Variants in UTS2B observed in about 807,000 individuals in gnomAD.
UTS2B encodes the protein urotensin 2B.
Under a neutral mutation model 19.2 loss-of-function variants are expected in UTS2B, and 21 were observed. The ratio of observed to expected loss-of-function variants is 1.09; its 90% CI spans 0.78 to 1.58. The LOEUF is 1.58. UTS2B is among the 40% of genes most tolerant of loss of function. The probability of loss-of-function intolerance (pLI) is 0.00; values close to 1 mark genes in which losing one functional copy is unlikely to be tolerated. For missense variants in UTS2B, 138 were observed against 130.3 expected (o/e 1.06, Z -0.29); for synonymous variants, 57 against 50.2 (o/e 1.14, Z -0.58).
chr3:191,331,690 A>G (rs1717990508), upstream of UTS2B, among the ~76,000 whole-genome samples: 1 of 152,198 alleles, frequency 6.6e-6, no homozygotes, highest in African/African-American at 2.4e-5. Context: ...GGAATGTCCT[A>G]CTAATGGTGG....
chr3:191,271,909 T>C (rs1716104938), intron 8 of UTS2B, among the ~76,000 whole-genome samples: 1 of 152,210 alleles, frequency 6.6e-6, no homozygotes, highest in African/African-American at 2.4e-5. Context: ...CCAAAATATG[T>C]GGTAGGAATA....
chr3:191,317,464 G>GC (rs59587617), intron 2 of UTS2B, among the ~76,000 whole-genome samples: 43,952 of 152,190 alleles, frequency 0.29, 6,620 homozygotes, highest in African/African-American at 0.35. Context: ...GCAGCTGCGG[G>GC]CGAAGGGCTC....
chr3:191,294,937 A>T (rs977585991), intron 4 of UTS2B, among the ~76,000 whole-genome samples: 1 of 151,804 alleles, frequency 6.6e-6, no homozygotes, highest in African/African-American at 2.4e-5. Context: ...AGGCTTAGTT[A>T]TAAGAATCGC....
intron 2 of UTS2B, among the ~76,000 whole-genome samples, chr3:191,321,744 G>T (rs1321128723): frequency 2.0e-5 from 3 of 152,096 alleles, no homozygotes; most frequent in Non-Finnish European, 2.9e-5. Flanking sequence ...TATGTGACTA[G>T]GGCCAGGTGC....
chr3:191,345,047 T>G, the UTS2B span, among the ~76,000 whole-genome samples: 1 of 152,158 alleles, frequency 6.6e-6, no homozygotes, highest in Non-Finnish European at 1.5e-5. Context: ...AGGAATCAAT[T>G]TGATGGGCAC....
At chr3:191,322,628 AG>A (rs1289873945) in intron 2 of UTS2B, among the ~76,000 whole-genome samples, 1 of 152,194 alleles carries the variant, frequency 6.6e-6, no homozygotes, top group African/African-American at 2.4e-5. Flanking sequence ...TAATAGCTGA[AG>A]GGGACTGGAG....
At chr3:191,301,231 A>T (rs897874512) in intron 4 of UTS2B, among the ~76,000 whole-genome samples, 3 of 152,174 alleles carry the variant, frequency 2.0e-5, no homozygotes, top group Non-Finnish European at 4.4e-5. Flanking sequence ...GTCTCATTCT[A>T]GCTGGTGCCC....
intron 2 of UTS2B, among the ~76,000 whole-genome samples, chr3:191,325,119 G>C (rs988202530): frequency 6.6e-6 from 1 of 152,094 alleles, no homozygotes; most frequent in Admixed American, 6.6e-5. Context: ...GAATGACTCT[G>C]TATGTTTATG....
At position 191,268,360 on chromosome 3, in the gene UTS2B, T is replaced by C; in HGVS notation, c.*56A>G. 1.5e-6 allele frequency: 2 copies of C among 1,335,374 alleles called. No individual in the cohort carries two copies. Among genetic ancestry groups the C allele is most frequent in the Non-Finnish European group, 2.1e-6 (2 of 952,188 alleles). The allele number at this position is 1,335,374 out of a possible 1,614,324, so 82.7% of individuals were successfully genotyped here. A position where few individuals can be genotyped will look rare whatever the true frequency, so the allele number is the denominator to read the frequency against. On this transcript the variant is annotated 3_prime_UTR_variant, in exon 9 of 9. Coordinates refer to ENST00000340524, the MANE Select transcript of UTS2B (RefSeq NM_198152.5). ...GGGGGTCTGCCTACAGCAGAGTGAGTAGATACATATATTTTCCTGATATTC... is the reference window on the plus strand; with the variant it reads ...GGGGGTCTGCCTACAGCAGAGTGAGCAGATACATATATTTTCCTGATATTC...
chr3:191,329,952 G>A (rs1023636180), intron 1 of UTS2B, among the ~76,000 whole-genome samples: 3 of 142,386 alleles, frequency 2.1e-5, no homozygotes, highest in Non-Finnish European at 3.1e-5. Context: ...TGGGGGGGGG[G>A]GGGGCTAGCA....
At chr3:191,319,704 A>G (rs969932052) in intron 2 of UTS2B, among the ~76,000 whole-genome samples, 12 of 34,140 alleles carry the variant, frequency 3.5e-4, no homozygotes, top group Admixed American at 1.5e-3. Context: ...CTAAAAATAC[A>G]AAAAAAAAAA....
At chr3:191,289,316 G>A (rs1716643806) in intron 4 of UTS2B, among the ~76,000 whole-genome samples, 1 of 151,820 alleles carries the variant, frequency 6.6e-6, no homozygotes, top group Admixed American at 6.6e-5. Context: ...GGCTGAGGCA[G>A]GAGAATGGCG....
At chr3:191,291,010 G>T (rs911735227) in intron 4 of UTS2B, among the ~76,000 whole-genome samples, 3 of 152,108 alleles carry the variant, frequency 2.0e-5, no homozygotes. Context: ...AAAAAATAGC[G>T]GAAGGAAGGA....
At chr3:191,271,511 TGGTAA>T (rs1716094433) in intron 8 of UTS2B, among the ~76,000 whole-genome samples, 1 of 152,190 alleles carries the variant, frequency 6.6e-6, no homozygotes, top group Non-Finnish European at 1.5e-5. Context: ...CCTGGTGTTT[TGGTAA>T]CAATAGCTTT....
chr3:191,329,614 C>A, intron 1 of UTS2B: 2 of 1,558,814 alleles, frequency 1.3e-6, no homozygotes, highest in South Asian at 2.3e-5. Context: ...CGGGGCCCCG[C>A]TCGGCGCCGG....
At chr3:191,307,449 G>C (rs1449813717) in intron 3 of UTS2B, among the ~76,000 whole-genome samples, 1 of 152,198 alleles carries the variant, frequency 6.6e-6, no homozygotes. Flanking sequence ...ACGAAAAGTG[G>C]AGCATGGACA....
intron 2 of UTS2B, chr3:191,328,166 T>G (rs1459846285): frequency 6.6e-6 from 1 of 152,236 alleles, no homozygotes; most frequent in African/African-American, 2.4e-5. Flanking sequence ...AAAATCCACC[T>G]ACTTTTCAAT....
At chr3:191,313,364 A>G (rs909711808) in intron 3 of UTS2B, among the ~76,000 whole-genome samples, 1 of 152,196 alleles carries the variant, frequency 6.6e-6, no homozygotes, top group South Asian at 2.1e-4. Context: ...CCTTCCCTTT[A>G]AAGTTCAGCT....
At chr3:191,319,159 G>A (rs906072202) in intron 2 of UTS2B, among the ~76,000 whole-genome samples, 6 of 152,144 alleles carry the variant, frequency 3.9e-5, no homozygotes, top group African/African-American at 1.4e-4. Context: ...ATCAGTACCT[G>A]TGCCAATATG....
Sources: gnomAD v4.1 joint callset for allele counts (sites outside exome capture counted in the v4.1 genomes callset) on GRCh38, gnomAD v4.1.1 for gene constraint, MANE v1.5 for transcripts, NCBI Gene and HGNC (gene_info 2026-07-23, HGNC 2026-07-21) for gene names.